Variants in NUDC observed in about 807,000 individuals in gnomAD.
NUDC encodes the protein nuclear distribution C, dynein complex regulator, also known as nuclear migration protein nudC.
NUDC carries 14 observed loss-of-function variants against 45.0 expected under a neutral mutation model. The observed-to-expected ratio is 0.31, with a 90% CI of 0.21 to 0.49. NUDC has a LOEUF of 0.49. NUDC is among the 20% of genes least tolerant of loss of function. The pLI is 0.99. For synonymous variants in NUDC, 153 were observed against 156.7 expected (o/e 0.98, Z 0.17); for missense variants, 323 against 426.2 (o/e 0.76, Z 2.13).
At chr1:26,903,132 T>G (rs1179546887) in intron 2 of NUDC, among the ~76,000 whole-genome samples, 2 of 152,158 alleles carry the variant, frequency 1.3e-5, no homozygotes, top group African/African-American at 4.8e-5. Context: ...TAAATATTCA[T>G]AGCTACAGTC....
rs760902643 is a variant in NUDC, at chr1:26,945,637, A to T, written c.895A>T (p.Met299Leu). The T allele has an allele frequency of 3.1e-6, 5 of 1,614,202 alleles. No individual in the cohort carries two copies. The highest frequency in any genetic ancestry group is 1.3e-5 in the African/African-American group (1 of 75,050). Residue 299 changes from methionine to leucine, a missense_variant, in exon 8 of 9, where the codon ATG becomes TTG. By Grantham distance (15) the Met-to-Leu change is conservative. This residue lies in a region of NUDC where 54 missense variants were observed against 100.2 expected (regional missense o/e 0.54). Coordinates refer to ENST00000321265, the MANE Select transcript of NUDC (RefSeq NM_006600.4). ...GATGTATGACCAGCGACAGAAGTCCATGGGGCTGCCAACTTCAGACGAACA... is the reference window on the plus strand; with the variant it reads ...GATGTATGACCAGCGACAGAAGTCCTTGGGGCTGCCAACTTCAGACGAACA... The part of the protein sequence containing the change: ...KMMYDQRQKS[M>L]GLPTSDEQKK...
At chr1:26,945,825 T>TATGGCTTC (rs2082313647) in intron 8 of NUDC, 139 bp downstream of exon 8, 1 of 801,158 alleles carries the variant, frequency 1.2e-6, no homozygotes, top group African/African-American at 1.7e-5. Context: ...TTTATGGCTT[T>TATGGCTTC]GGCTTGCCTA....
intron 2 of NUDC, among the ~76,000 whole-genome samples, chr1:26,938,354 T>G (rs1357978059): frequency 6.6e-6 from 1 of 152,156 alleles, no homozygotes; most frequent in Non-Finnish European, 1.5e-5. Context: ...TCAGTGGAGC[T>G]GGGAGAGGGG....
chr1:26,922,341 C>T (rs2082098549), intron 1 of NUDC: 1 of 271,170 alleles, frequency 3.7e-6, no homozygotes, highest in Non-Finnish European at 7.2e-6. Context: ...AGCACGTGGT[C>T]TTGTTAGGCC....
At position 26,942,695 on chromosome 1, in the gene NUDC, C is replaced by T. The variant is rs2082287931; in HGVS notation, c.465C>T (p.Asp155=). 2 of 1,614,178 alleles carry T rather than the reference C, an allele frequency of 1.2e-6. No individual in the cohort carries two copies. Among genetic ancestry groups the T allele is most frequent in the Non-Finnish European group, 1.7e-6 (2 of 1,180,040 alleles). The change falls in exon 5 of 9, where the codon GAC becomes GAT. Residue 155 remains aspartate (D), a synonymous_variant. Coordinates refer to ENST00000321265, the MANE Select transcript of NUDC (RefSeq NM_006600.4). The part of the protein sequence containing the change: ...TEEDEEEDEK[D]KGKLKPNLGN... ...AAGATGAGGAGGAAGATGAGAAGGA[C>T]AAAGGAAAACTGAAGCCCAACCTAG...
chr1:26,919,300 G>A (rs1180454694), upstream of NUDC, among the ~76,000 whole-genome samples: 3 of 152,004 alleles, frequency 2.0e-5, no homozygotes, highest in Admixed American at 6.6e-5. Flanking sequence ...CAACGTGCAG[G>A]TTTGTTACAT....
At chr1:26,912,508 T>G (rs2082034558) in intron 3 of NUDC, among the ~76,000 whole-genome samples, 1 of 152,148 alleles carries the variant, frequency 6.6e-6, no homozygotes. Context: ...GCCTAACATA[T>G]GGTAAGTGTG....
intron 3 of NUDC, chr1:26,911,595 A>C (rs1053415046): frequency 3.7e-6 from 2 of 533,686 alleles, no homozygotes; most frequent in Non-Finnish European, 6.8e-6. Context: ...TCTCATCCCA[A>C]GAAGGGACAG....
intron 2 of NUDC, among the ~76,000 whole-genome samples, chr1:26,931,598 G>A (rs1407233223): frequency 4.7e-5 from 7 of 149,862 alleles, no homozygotes; most frequent in Non-Finnish European, 8.9e-5. Flanking sequence ...GGCCAACGCG[G>A]TGAAACCCTG....
intron 2 of NUDC, among the ~76,000 whole-genome samples, chr1:26,934,311 T>G (rs2082208783): frequency 6.6e-6 from 1 of 152,056 alleles, no homozygotes; most frequent in Non-Finnish European, 1.5e-5. Flanking sequence ...AACCATCAGA[T>G]CTTGTGAGAA....
Position 26,942,722 on chromosome 1 carries a change from C to T in NUDC, c.492C>T (p.Gly164=), listed in dbSNP as rs2082288186. 1.2e-6 allele frequency: 2 copies of T among 1,614,220 alleles called. No individual in the cohort carries two copies. Among genetic ancestry groups the T allele is most frequent in the Middle Eastern group, 3.3e-4 (2 of 6,062 alleles). Residue 164 remains glycine, a synonymous_variant, in exon 5 of 9, where the codon GGC becomes GGT. Transcript: ENST00000321265. ...KDKGKLKPNL[G]NGADLPNYRW... is the part of the protein sequence containing the mutation. ...AAGGAAAACTGAAGCCCAACCTAGGCAACGGGGCAGACCTGCCCAATTACC... is the reference window on the plus strand; with the variant it reads ...AAGGAAAACTGAAGCCCAACCTAGGTAACGGGGCAGACCTGCCCAATTACC...
At chr1:26,939,106 A>G (rs903153017) in intron 2 of NUDC, among the ~76,000 whole-genome samples, 1 of 151,898 alleles carries the variant, frequency 6.6e-6, no homozygotes, top group African/African-American at 2.4e-5. Context: ...TGATTCCCCC[A>G]CCTCAGCCTC....
At chr1:26,913,587 G>A (rs753250536) in intron 3 of NUDC, 2 of 1,614,082 alleles carry the variant, frequency 1.2e-6, no homozygotes, top group Non-Finnish European at 8.5e-7. Context: ...GAATCTTCTT[G>A]AGTATGCTGG....
intron 2 of NUDC, among the ~76,000 whole-genome samples, chr1:26,931,108 C>T (rs548201765): frequency 1.7e-4 from 26 of 152,134 alleles, no homozygotes; most frequent in African/African-American, 6.3e-4. Context: ...GACGGAGTCT[C>T]GCTCTGTTGC....
At chr1:26,944,862 T>C (rs1205520624) in intron 6 of NUDC, among the ~76,000 whole-genome samples, 3 of 151,908 alleles carry the variant, frequency 2.0e-5, no homozygotes. Context: ...CCCAATATGG[T>C]GAAGCCCCGT....
chr1:26,940,099 T>C (rs2082264733), intron 2 of NUDC, among the ~76,000 whole-genome samples: 1 of 152,136 alleles, frequency 6.6e-6, no homozygotes, highest in African/African-American at 2.4e-5. Flanking sequence ...AGTTGATAGC[T>C]TGCTTGCTGG....
At chr1:26,906,820 G>A (rs2082004889) in intron 2 of NUDC, among the ~76,000 whole-genome samples, 2 of 152,108 alleles carry the variant, frequency 1.3e-5, no homozygotes, top group African/African-American at 2.4e-5. Flanking sequence ...CTGCACTCCA[G>A]CCTGGGCGAA....
chr1:26,900,172 T>A (rs764084567), upstream of NUDC: 1 of 1,612,602 alleles, frequency 6.2e-7, no homozygotes, highest in Non-Finnish European at 8.5e-7. Context: ...GAGTCTCGAG[T>A]GGAGAGAGGC....
intron 6 of NUDC, chr1:26,945,106 C>G (rs2082308071): frequency 1.9e-6 from 1 of 539,854 alleles, no homozygotes; most frequent in African/African-American, 1.9e-5. Flanking sequence ...TGTCTTAAGA[C>G]TCAGCCCGAG....
Sources: allele counts gnomAD v4.1 joint callset (sites outside exome capture counted in the v4.1 genomes callset), GRCh38; gene constraint gnomAD v4.1.1; regional missense constraint gnomAD v4.1.1; transcripts MANE v1.5; gene names NCBI Gene and HGNC (gene_info 2026-07-23, HGNC 2026-07-21).